The following RABGAP1L variants were observed in gnomAD, a reference collection of about 807,000 sequenced individuals.
The protein encoded by RABGAP1L is RAB GTPase activating protein 1 like.
In RABGAP1L, 63 loss-of-function variants were observed where a neutral mutation model predicts 137.7. The ratio of observed to expected loss-of-function variants is 0.46; its 90% CI spans 0.37 to 0.56. The LOEUF is 0.56. RABGAP1L is among the 20% of genes least tolerant of loss of function. The probability of loss-of-function intolerance (pLI) is 0.00; values close to 1 mark genes in which losing one functional copy is unlikely to be tolerated. For missense variants in RABGAP1L, 1,095 were observed against 1,244.0 expected (o/e 0.88, Z 1.80); for synonymous variants, 431 against 433.7 (o/e 0.99, Z 0.08).
chr1:174,915,878 T>G (rs1660779642), intron 19 of RABGAP1L, among the ~76,000 whole-genome samples: 1 of 152,162 alleles, frequency 6.6e-6, no homozygotes, highest in Admixed American at 6.5e-5. Context: ...ATCTGTGGCT[T>G]TTTAAAAATT....
At chr1:174,221,632 T>C (rs1669765183) in intron 3 of RABGAP1L, among the ~76,000 whole-genome samples, 1 of 152,244 alleles carries the variant, frequency 6.6e-6, no homozygotes, top group South Asian at 2.1e-4. Context: ...TACTAGCTTA[T>C]AAGTCAAGAT....
chr1:174,650,953 C>G (rs201742054), intron 14 of RABGAP1L, among the ~76,000 whole-genome samples: 1 of 146,122 alleles, frequency 6.8e-6, no homozygotes, highest in East Asian at 2.0e-4. Flanking sequence ...ATCTTTCCTG[C>G]TTTCTCTTGT....
intron 19 of RABGAP1L, among the ~76,000 whole-genome samples, chr1:174,857,952 A>C (rs1174688772): frequency 1.3e-5 from 2 of 152,204 alleles, no homozygotes; most frequent in African/African-American, 4.8e-5. Context: ...CTAATAGTTA[A>C]AAGTTAATTT....
chr1:174,949,651 G>C lies in RABGAP1L; in HGVS notation c.2341-7806G>C, dbSNP rs547478571. 7.2e-5 allele frequency among the ~76,000 whole-genome samples: 11 copies of C among 152,310 alleles called. 1 individual carries two copies. The South Asian group carries it at 2.3e-3, about 32-fold the overall frequency. The stretch of plus-strand genomic sequence containing the variant: ...GTTCACAATTGGATATGCAGGCTAA[G>C]CTTAGTAGAAGTTCTGGGCAGAAAA... On this transcript the variant is annotated intron_variant, in intron 19 of 25. Transcript: ENST00000681986.
chr1:174,581,930 T>C (rs1413106220), intron 13 of RABGAP1L, among the ~76,000 whole-genome samples: 1 of 152,084 alleles, frequency 6.6e-6, no homozygotes, highest in Non-Finnish European at 1.5e-5. Flanking sequence ...CAGGGCTAGA[T>C]AGAGAATGGT....
chr1:174,378,467 T>C (rs1432634466), intron 12 of RABGAP1L, among the ~76,000 whole-genome samples: 3 of 151,512 alleles, frequency 2.0e-5, no homozygotes, highest in Non-Finnish European at 2.9e-5. Context: ...GACTTTTTAA[T>C]GATTGCCATT....
At chr1:174,556,809 G>C (rs1362533497) in intron 13 of RABGAP1L, among the ~76,000 whole-genome samples, 1 of 152,168 alleles carries the variant, frequency 6.6e-6, no homozygotes, top group Non-Finnish European at 1.5e-5. Context: ...CATTATTGGT[G>C]GTGAGAAGGA....
chr1:174,585,909 C>T (rs911075902), intron 13 of RABGAP1L, among the ~76,000 whole-genome samples: 15 of 152,270 alleles, frequency 9.9e-5, no homozygotes, highest in Non-Finnish European at 2.1e-4. Flanking sequence ...GAAGATTCTG[C>T]TTAAATTATT....
intron 13 of RABGAP1L, among the ~76,000 whole-genome samples, chr1:174,440,295 G>A (rs1411937312): frequency 7.9e-5 from 12 of 152,178 alleles, no homozygotes; most frequent in Non-Finnish European, 1.2e-4. Flanking sequence ...CAGAAGCAAC[G>A]CGATCTGGTT....
At chr1:174,623,113 G>A (rs1672662967) in intron 13 of RABGAP1L, among the ~76,000 whole-genome samples, 1 of 152,114 alleles carries the variant, frequency 6.6e-6, no homozygotes, top group Non-Finnish European at 1.5e-5. Flanking sequence ...ATTTAGCTTT[G>A]GAGGTTCTAC....
Position 174,255,987 on chromosome 1 carries a change from A to G in RABGAP1L, c.986+3397A>G, listed in dbSNP as rs1021759031. ...TCGCTTACATCACCACAGTATACTT[A>G]TCAACATACGTGAATTTAGCATTCA... On this transcript the variant is annotated intron_variant, in intron 7 of 25. Coordinates refer to ENST00000681986, the MANE Select transcript of RABGAP1L (RefSeq NM_001366446.1). 1.2e-4 allele frequency among the ~76,000 whole-genome samples: 19 copies of G among 152,222 alleles called. 1 individual carries two copies. Among genetic ancestry groups the G allele is most frequent in the Admixed American group, 1.2e-3 (18 of 15,280 alleles).
At chr1:174,977,643 G>A (rs76917758) in intron 22 of RABGAP1L, among the ~76,000 whole-genome samples, 10,865 of 152,124 alleles carry the variant, frequency 0.071, 1,269 homozygotes, top group African/African-American at 0.25. Flanking sequence ...TGTAAAATAG[G>A]GATTATTCTC....
chr1:174,466,630 T>C (rs1031444569), intron 13 of RABGAP1L, among the ~76,000 whole-genome samples: 2 of 152,082 alleles, frequency 1.3e-5, no homozygotes, highest in African/African-American at 4.8e-5. Flanking sequence ...CTACTAAAAA[T>C]ACAAAAACTA....
At chr1:174,537,199 T>C (rs909694012) in intron 13 of RABGAP1L, among the ~76,000 whole-genome samples, 1 of 152,324 alleles carries the variant, frequency 6.6e-6, no homozygotes, top group East Asian at 1.9e-4. Flanking sequence ...AAATAGACTA[T>C]AAACTTATAT....
chr1:174,198,206 A>G (rs1172741016), intron 1 of RABGAP1L, among the ~76,000 whole-genome samples: 6 of 152,184 alleles, frequency 3.9e-5, no homozygotes, highest in Non-Finnish European at 4.4e-5. Context: ...AATAATTGTT[A>G]CTTTTCTTGA....
chr1:174,284,183 A>G (rs1212598687), intron 10 of RABGAP1L, among the ~76,000 whole-genome samples: 1 of 152,250 alleles, frequency 6.6e-6, no homozygotes, highest in African/African-American at 2.4e-5. Flanking sequence ...ATTGTTAACT[A>G]TAGTCACCAT....
chr1:174,571,870 T>C (rs1668003649), intron 13 of RABGAP1L, among the ~76,000 whole-genome samples: 1 of 152,218 alleles, frequency 6.6e-6, no homozygotes, highest in South Asian at 2.1e-4. Flanking sequence ...GGTGGCTCCA[T>C]TTTAGCTGCA....
intron 19 of RABGAP1L, among the ~76,000 whole-genome samples, chr1:174,900,271 G>C (rs72717649): frequency 0.2 from 29,871 of 152,186 alleles, 3,362 homozygotes; most frequent in Admixed American, 0.24. Context: ...ACTCCACAGT[G>C]TGGGAGCGGG....
chr1:174,673,391 CTGAG>C (rs1308805718), intron 14 of RABGAP1L, among the ~76,000 whole-genome samples: 3 of 151,914 alleles, frequency 2.0e-5, no homozygotes, highest in East Asian at 3.9e-4. Context: ...TTTTTTTAGA[CTGAG>C]TGATTGCCTT....
Sources: allele counts gnomAD v4.1 joint callset (sites outside exome capture counted in the v4.1 genomes callset), GRCh38; gene constraint gnomAD v4.1.1; transcripts MANE v1.5; gene names NCBI Gene and HGNC (gene_info 2026-07-23, HGNC 2026-07-21).